The following KLHL32 variants were observed in gnomAD, a reference collection of about 807,000 sequenced individuals.
KLHL32 encodes kelch like family member 32.
Under a neutral mutation model 64.8 loss-of-function variants are expected in KLHL32, and 35 were observed. That is an observed-to-expected ratio of 0.54 (90% CI 0.41 to 0.72). The LOEUF is 0.72. KLHL32 is among the 30% of genes least tolerant of loss of function. The pLI, the probability that KLHL32 is intolerant of heterozygous loss-of-function variation, is 0.00. For synonymous variants in KLHL32, 259 were observed against 281.0 expected, an observed-to-expected ratio of 0.92 and a Z score of 0.78; for missense variants, 589 against 768.5, an observed-to-expected ratio of 0.77 and a Z score of 2.76.
At chr6:97,071,992 T>C (rs113060129) in intron 5 of KLHL32, among the ~76,000 whole-genome samples, 52 of 152,340 alleles carry the variant, frequency 3.4e-4, no homozygotes, top group Non-Finnish European at 6.2e-4. Flanking sequence ...ATTTCTTGTC[T>C]CTATAATGTA....
At chr6:97,096,608 T>C (rs187419721) in intron 6 of KLHL32, among the ~76,000 whole-genome samples, 1 of 152,364 alleles carries the variant, frequency 6.6e-6, no homozygotes, top group East Asian at 1.9e-4. Flanking sequence ...TTTTAATTCC[T>C]TTTCCCCAGA....
chr6:97,033,017 A>T (rs1783787834), intron 3 of KLHL32, among the ~76,000 whole-genome samples: 2 of 151,882 alleles, frequency 1.3e-5, no homozygotes, highest in South Asian at 4.1e-4. Flanking sequence ...CAATCCTTTT[A>T]GCCAGGGAAT....
At chr6:97,103,459 C>T (rs1015979349) in intron 6 of KLHL32, among the ~76,000 whole-genome samples, 2 of 152,096 alleles carry the variant, frequency 1.3e-5, no homozygotes, top group East Asian at 1.9e-4. Context: ...GTGATCTGCC[C>T]GCCTTGGCCT....
rs1244718101 is a variant in KLHL32, at chr6:97,130,845, G to A, written c.1502G>A (p.Gly501Asp). 1 of 1,614,032 alleles carries A rather than the reference G, an allele frequency of 6.2e-7. No individual in the cohort carries two copies. The highest frequency in any genetic ancestry group is 1.1e-5 in the South Asian group (1 of 91,066). The stretch of plus-strand genomic sequence containing the variant: ...CAAAGGAAGCTTTATGTTCTTGGAG[G>A]CAATGACCTAGACTACAATAATGAC... The part of the protein sequence containing the change: ...AVQRKLYVLG[G>D]NDLDYNNDRI... Residue 501 changes from glycine to aspartate, a missense_variant, in exon 9 of 11, where the codon GGC (glycine) becomes GAC (aspartate). Physicochemically the swap from Gly to Asp is moderately conservative, Grantham distance 94. Coordinates refer to ENST00000369261, the MANE Select transcript of KLHL32 (RefSeq NM_052904.4).
At chr6:97,083,661 C>T (rs917462143) in intron 5 of KLHL32, among the ~76,000 whole-genome samples, 5 of 152,158 alleles carry the variant, frequency 3.3e-5, no homozygotes, top group African/African-American at 1.2e-4. Flanking sequence ...TAGTGATTAT[C>T]TCTGCATGGT....
intron 4 of KLHL32, among the ~76,000 whole-genome samples, chr6:97,064,211 A>G (rs1361877874): frequency 6.6e-6 from 1 of 152,214 alleles, no homozygotes; most frequent in Non-Finnish European, 1.5e-5. Context: ...TCCCTAAAAT[A>G]CCTGTTTCTG....
intron 6 of KLHL32, among the ~76,000 whole-genome samples, chr6:97,097,974 A>G (rs1244966004): frequency 6.6e-6 from 1 of 152,220 alleles, no homozygotes; most frequent in African/African-American, 2.4e-5. Context: ...GCTTCCAAAC[A>G]CAGCATCTTA....
chr6:96,933,697 G>A (rs1057152113), intron 1 of KLHL32, among the ~76,000 whole-genome samples: 1 of 152,110 alleles, frequency 6.6e-6, no homozygotes, highest in African/African-American at 2.4e-5. Context: ...TGGGACAGAG[G>A]GTCATCTCCC....
At chr6:97,079,864 G>C (rs1316512368) in intron 5 of KLHL32, among the ~76,000 whole-genome samples, 1 of 147,310 alleles carries the variant, frequency 6.8e-6, no homozygotes, top group Non-Finnish European at 1.5e-5. Flanking sequence ...AACCTTTTTA[G>C]AAAAAAAAAA....
chr6:97,094,134 G>A (rs1794641836), intron 6 of KLHL32, among the ~76,000 whole-genome samples: 1 of 152,156 alleles, frequency 6.6e-6, no homozygotes, highest in African/African-American at 2.4e-5. Context: ...ATTGATAAAT[G>A]TTAGTCTCTT....
chr6:96,995,629 A>G (rs1380620402), intron 3 of KLHL32, among the ~76,000 whole-genome samples: 1 of 151,658 alleles, frequency 6.6e-6, no homozygotes, highest in Non-Finnish European at 1.5e-5. Flanking sequence ...CATTCTTTCC[A>G]CCTCAGGGCC....
At chr6:97,065,553 G>T (rs990164963) in intron 5 of KLHL32, among the ~76,000 whole-genome samples, 1 of 152,066 alleles carries the variant, frequency 6.6e-6, no homozygotes, top group African/African-American at 2.4e-5. Context: ...GCAATTTTAG[G>T]ATCCTCCCAC....
intron 6 of KLHL32, among the ~76,000 whole-genome samples, chr6:97,107,917 C>T (rs909137420): frequency 3.3e-5 from 5 of 152,152 alleles, no homozygotes; most frequent in Non-Finnish European, 7.3e-5. Context: ...AGGTGCTGTT[C>T]TTAGCAAATA....
At chr6:96,976,790 G>A (rs749722041) in intron 3 of KLHL32, among the ~76,000 whole-genome samples, 10 of 151,910 alleles carry the variant, frequency 6.6e-5, no homozygotes, top group Non-Finnish European at 8.8e-5. Flanking sequence ...GTAGAGACGG[G>A]GTCTCACCAA....
chr6:97,114,650 T>C (rs556605699), intron 7 of KLHL32, 141 bp downstream of exon 7: 1 of 928,278 alleles, frequency 1.1e-6, no homozygotes, highest in African/African-American at 1.6e-5. Context: ...CATTCATTTA[T>C]TGAGCACCTA....
chr6:96,970,232 A>C (rs1052209959), intron 2 of KLHL32, among the ~76,000 whole-genome samples: 2 of 152,132 alleles, frequency 1.3e-5, no homozygotes, highest in African/African-American at 2.4e-5. Context: ...TTGGTACTAC[A>C]GCTTGAATGA....
intron 3 of KLHL32, among the ~76,000 whole-genome samples, chr6:97,018,151 C>CAAG (rs1781487416): frequency 6.6e-6 from 1 of 151,534 alleles, no homozygotes; most frequent in African/African-American, 2.4e-5. Context: ...AATATTGAAT[C>CAAG]GAAACTTTTT....
intron 5 of KLHL32, among the ~76,000 whole-genome samples, chr6:97,077,607 C>T (rs557708626): frequency 6.6e-5 from 10 of 152,280 alleles, no homozygotes; most frequent in African/African-American, 2.2e-4. Flanking sequence ...GTATGAAAAA[C>T]CCAGTACCTA....
At chr6:96,918,711 C>T in the KLHL32 span, among the ~76,000 whole-genome samples, 1 of 152,184 alleles carries the variant, frequency 6.6e-6, no homozygotes, top group African/African-American at 2.4e-5. Context: ...GACATCTTCA[C>T]ATTCAGTGGG....
Sources: gnomAD v4.1 joint callset for allele counts (sites outside exome capture counted in the v4.1 genomes callset) on GRCh38, gnomAD v4.1.1 for gene constraint, MANE v1.5 for transcripts, NCBI Gene and HGNC (gene_info 2026-07-23, HGNC 2026-07-21) for gene names.